The following SRGAP2C variants were observed in gnomAD, a reference collection of about 807,000 sequenced individuals.
SRGAP2C encodes SLIT-ROBO Rho GTPase-activating protein 2C.
Under a neutral mutation model 25.1 loss-of-function variants are expected in SRGAP2C, and 15 were observed. The observed-to-expected ratio is 0.60, with a 90% CI of 0.40 to 0.92. The LOEUF (loss-of-function observed/expected upper bound fraction) is 0.92, where lower values mean the gene tolerates loss of function less well. SRGAP2C is among the 40% of genes least tolerant of loss of function. The pLI is 0.00. For synonymous variants in SRGAP2C, 44 were observed against 96.6 expected (o/e 0.46, Z 3.19); for missense variants, 144 against 264.4 (o/e 0.54, Z 3.16).
intron 2 of SRGAP2C, among the ~76,000 whole-genome samples, chr1:121,265,215 A>G (rs1656743117): frequency 6.8e-6 from 1 of 147,616 alleles, no homozygotes; most frequent in Non-Finnish European, 1.5e-5. Flanking sequence ...AAAAAAAATG[A>G]ACTTCTTTCA....
intron 5 of SRGAP2C, among the ~76,000 whole-genome samples, chr1:121,367,814 C>T (rs1553349859): frequency 7.0e-6 from 1 of 143,454 alleles, no homozygotes; most frequent in South Asian, 2.3e-4. Flanking sequence ...CAGGCTCATG[C>T]CTGTAATCCC....
intron 2 of SRGAP2C, among the ~76,000 whole-genome samples, chr1:121,225,862 G>A (rs1195230817): frequency 1.5e-5 from 2 of 137,258 alleles, no homozygotes; most frequent in Non-Finnish European, 3.1e-5. Flanking sequence ...CCGCCACCAC[G>A]CCCAGCTAAT....
chr1:121,375,060 C>A (rs1659606053), intron 7 of SRGAP2C, 106 bp downstream of exon 7: 1 of 651,828 alleles, frequency 1.5e-6, no homozygotes. Flanking sequence ...ATTTTGAGAA[C>A]AATTAGGAAG....
chr1:121,282,838 G>A (rs1267767032), intron 2 of SRGAP2C, among the ~76,000 whole-genome samples: 14 of 150,790 alleles, frequency 9.3e-5, no homozygotes, highest in East Asian at 7.9e-4. Flanking sequence ...GATTACAGGC[G>A]TGAGCCACCG....
chr1:121,374,370 G>A (rs1659580412), intron 6 of SRGAP2C, among the ~76,000 whole-genome samples, 184 bp downstream of exon 6: 1 of 151,668 alleles, frequency 6.6e-6, no homozygotes, highest in African/African-American at 2.4e-5. Flanking sequence ...TGGAAGAACT[G>A]GGCACGTGGG....
At chr1:121,263,426 G>A (rs1426220222) in intron 2 of SRGAP2C, among the ~76,000 whole-genome samples, 5 of 61,726 alleles carry the variant, frequency 8.1e-5, no homozygotes, top group Non-Finnish European at 3.1e-5. Context: ...GTGAGACTCC[G>A]TCTCAAAAAA....
chr1:121,339,345 G>A (rs1366718230), intron 4 of SRGAP2C, among the ~76,000 whole-genome samples: 13 of 149,574 alleles, frequency 8.7e-5, no homozygotes, highest in South Asian at 4.3e-4. Context: ...TCCGCCTCCC[G>A]GGTTCAAGTG....
At position 121,293,617 on chromosome 1, in the gene SRGAP2C, C is replaced by A. The variant is rs1234894961; in HGVS notation, c.260+8622C>A. The stretch of plus-strand genomic sequence containing the variant: ...GGACAGAGAAAGTGCTCTTGGTTTC[C>A]TGGGTCTCTGGAGTGACAATAGTAC... On this transcript the variant is annotated intron_variant, in intron 3 of 9. Transcript: ENST00000367123. Among the ~76,000 whole-genome samples, 16 of 152,202 alleles carry A rather than the reference C, an allele frequency of 1.1e-4. No individual in the cohort carries two copies. The East Asian group carries it at 3.1e-3, about 29-fold the overall frequency.
intron 3 of SRGAP2C, among the ~76,000 whole-genome samples, chr1:121,319,545 G>A (rs1296172169): frequency 6.6e-6 from 1 of 150,990 alleles, no homozygotes. Flanking sequence ...CCCTTTAAGC[G>A]CTTGTTGCTA....
At chr1:121,203,433 CT>C (rs1369782334) in intron 2 of SRGAP2C, among the ~76,000 whole-genome samples, 1,354 of 135,318 alleles carry the variant, frequency 0.01, 13 homozygotes, top group African/African-American at 0.034. Context: ...GATATCCGGC[CT>C]TTTTTTTTTT....
At chr1:121,219,217 C>G (rs1469740063) in intron 2 of SRGAP2C, among the ~76,000 whole-genome samples, 1 of 143,712 alleles carries the variant, frequency 7.0e-6, no homozygotes, top group Admixed American at 6.9e-5. Context: ...GTGAGTAATA[C>G]ACAACCAGCC....
chr1:121,240,051 T>TAC lies in SRGAP2C; in HGVS notation c.68-44752_68-44751insAC, dbSNP rs1656086514. Among the ~76,000 whole-genome samples the TAC allele has an allele frequency of 3.5e-5, 5 of 142,390 alleles. No individual in the cohort carries two copies. The South Asian group carries it at 1.2e-3, about 35-fold the overall frequency. 93.4% of individuals were successfully genotyped at this position (142,390 alleles called of 152,430 possible). ...AAAAACACCTAGGTATGCTTTATAC[T>TAC]CATTAAATATTGTTGAATGAATGAT... On this transcript the variant is annotated intron_variant, in intron 2 of 9. Coordinates refer to ENST00000367123, the MANE Select transcript of SRGAP2C (RefSeq NM_001329984.2).
intron 3 of SRGAP2C, among the ~76,000 whole-genome samples, chr1:121,306,026 C>T (rs1657822481): frequency 6.6e-6 from 1 of 152,200 alleles, no homozygotes; most frequent in South Asian, 2.1e-4. Flanking sequence ...TGTTTATACC[C>T]TTTTAAAATC....
At chr1:121,363,057 GTAGAATCA>G (rs2101647849) in intron 4 of SRGAP2C, among the ~76,000 whole-genome samples, 1 of 150,972 alleles carries the variant, frequency 6.6e-6, no homozygotes, top group Non-Finnish European at 1.5e-5. Context: ...AGAAGATCAT[GTAGAATCA>G]TAGAATGGCA....
At chr1:121,268,823 GA>G (rs1336767790) in intron 2 of SRGAP2C, among the ~76,000 whole-genome samples, 2 of 101,298 alleles carry the variant, frequency 2.0e-5, no homozygotes, top group African/African-American at 5.8e-5. Flanking sequence ...TGGCTATGAG[GA>G]AATGGTAAGT....
At chr1:121,284,196 T>A (rs1657311542) in intron 2 of SRGAP2C, among the ~76,000 whole-genome samples, 1 of 151,658 alleles carries the variant, frequency 6.6e-6, no homozygotes. Context: ...TTTTGATTGC[T>A]ACCATTTGAC....
At chr1:121,224,042 G>A (rs1655604671) in intron 2 of SRGAP2C, among the ~76,000 whole-genome samples, 1 of 152,196 alleles carries the variant, frequency 6.6e-6, no homozygotes, top group African/African-American at 2.4e-5. Flanking sequence ...ACTTCATTTA[G>A]CATTGACTAT....
At chr1:121,366,173 GATGTGCCAGCCTACT>G (rs1462907344) in intron 5 of SRGAP2C, among the ~76,000 whole-genome samples, 74 of 146,890 alleles carry the variant, frequency 5.0e-4, no homozygotes, top group African/African-American at 1.8e-3. Flanking sequence ...CTCCAGCTTG[GATGTGCCAGCCTACT>G]ATGTCATTCT....
chr1:121,343,278 G>T (rs1658671904), intron 4 of SRGAP2C, among the ~76,000 whole-genome samples: 2 of 152,038 alleles, frequency 1.3e-5, no homozygotes, highest in African/African-American at 4.8e-5. Flanking sequence ...CAAGCTGCAG[G>T]CTGAAGCCCC....
Sources: gnomAD v4.1 joint callset for allele counts (sites outside exome capture counted in the v4.1 genomes callset) on GRCh38, gnomAD v4.1.1 for gene constraint, MANE v1.5 for transcripts, NCBI Gene and HGNC (gene_info 2026-07-23, HGNC 2026-07-21) for gene names.